The following CCAR1 variants were observed in gnomAD, a reference collection of about 807,000 sequenced individuals.
CCAR1 encodes the protein cell division cycle and apoptosis regulator protein 1.
A neutral mutation model predicts 163.8 loss-of-function variants in CCAR1; 78 were observed. The observed-to-expected ratio is 0.48, with a 90% CI of 0.40 to 0.57. The LOEUF (loss-of-function observed/expected upper bound fraction) is 0.57, where lower values mean the gene tolerates loss of function less well. Among genes scored for constraint, CCAR1 ranks in the 20% least tolerant of loss-of-function variants. CCAR1 has a pLI of 0.00. For missense variants in CCAR1, 1,019 were observed against 1,365.2 expected (o/e 0.75, Z 4.00); for synonymous variants, 443 against 460.7 (o/e 0.96, Z 0.49).
chr10:68,786,235 G>A lies in CCAR1; in HGVS notation c.2733+17G>A, dbSNP rs779793996. Reference sequence around the variant, plus strand: ...AAAGATAAGGTGTTTATTGAATACTGTATTCTTTATAATATGGTGATATCT... The same window carrying A: ...AAAGATAAGGTGTTTATTGAATACTATATTCTTTATAATATGGTGATATCT... On this transcript the variant is annotated intron_variant, in intron 20 of 24. Coordinates refer to ENST00000265872, the MANE Select transcript of CCAR1 (RefSeq NM_018237.4). The A allele has an allele frequency of 5.4e-6, 8 of 1,492,074 alleles. No individual in the cohort carries two copies. In the South Asian group the frequency reaches 5.8e-5, roughly 11 times the overall value. 92.4% of individuals were successfully genotyped at this position (1,492,074 alleles called of 1,614,324 possible). A position where few individuals can be genotyped will look rare whatever the true frequency, so the allele number is the denominator to read the frequency against.
In CCAR1 at chr10:68,765,933, G is replaced by A; in HGVS notation, c.2152G>A (p.Glu718Lys). 6.2e-7 allele frequency: 1 copy of A among 1,613,882 alleles called. No individual in the cohort carries two copies. Among genetic ancestry groups the A allele is most frequent in the Non-Finnish European group, 8.5e-7 (1 of 1,179,964 alleles). Residue 718 changes from glutamate (E) to lysine (K), a missense_variant, in exon 17 of 25, where the codon GAA (glutamate) becomes AAA (lysine). Glu to Lys is a moderately conservative substitution (Grantham distance 56, BLOSUM62 1). This residue lies in a region of CCAR1 where 644 missense variants were observed against 904.4 expected (regional missense o/e 0.71). Transcript: ENST00000265872. The part of the protein sequence containing the change: ...RQEEIERQRR[E>K]RRYILPDEPA... ...AGAGGAAATAGAACGCCAGCGTCGA[G>A]AAAGAAGATATATTTTGCCTGATGA...
intron 2 of CCAR1, among the ~76,000 whole-genome samples, chr10:68,726,012 C>G (rs1393724712): frequency 1.3e-5 from 2 of 150,860 alleles, no homozygotes; most frequent in Non-Finnish European, 2.9e-5. Flanking sequence ...ATTGGGGAGG[C>G]TGAGGCGTGA....
rs1463182855 is a variant in CCAR1 at position 68,737,835 on chromosome 10, A to T, written c.247-10A>T. 1 of 1,570,668 alleles carries T rather than the reference A, an allele frequency of 6.4e-7. No homozygotes were observed. Among genetic ancestry groups the T allele is most frequent in the Admixed American group, 1.9e-5 (1 of 51,378 alleles). On this transcript the variant is annotated splice_polypyrimidine_tract_variant and intron_variant, in intron 3 of 24. Transcript: ENST00000265872. Reference sequence around the variant, plus strand: ...ATTTTTCTTTGAAAAATTTTTTTTTAATCTTTCAGCAATATTCACAACCTC... The same window carrying T: ...ATTTTTCTTTGAAAAATTTTTTTTTTATCTTTCAGCAATATTCACAACCTC...
At chr10:68,774,452 A>G (rs919897875) in intron 19 of CCAR1, among the ~76,000 whole-genome samples, 2 of 152,012 alleles carry the variant, frequency 1.3e-5, no homozygotes, top group African/African-American at 4.8e-5. Flanking sequence ...AGCCTGGTCA[A>G]CATGGTGAAA....
intron 5 of CCAR1, among the ~76,000 whole-genome samples, chr10:68,741,444 A>G (rs1333747683): frequency 1.3e-5 from 2 of 152,042 alleles, no homozygotes; most frequent in Non-Finnish European, 2.9e-5. Context: ...CTCTTTTTCT[A>G]TTTTTACAAC....
chr10:68,747,123 A>G, intron 6 of CCAR1, 38 bp from the exon 7 acceptor site: 1 of 1,046,790 alleles, frequency 9.6e-7, no homozygotes, highest in Non-Finnish European at 1.4e-6. Flanking sequence ...TTTTAATTGT[A>G]TTTATATTTA....
At chr10:68,739,396 A>C (rs1056367108) in intron 4 of CCAR1, among the ~76,000 whole-genome samples, 2 of 151,908 alleles carry the variant, frequency 1.3e-5, no homozygotes, top group Non-Finnish European at 2.9e-5. Context: ...TGATCCACCC[A>C]CCTTGGCCTC....
chr10:68,749,088 G>A (rs566064057), intron 8 of CCAR1, 48 bp from the exon 9 acceptor site: 67 of 1,609,286 alleles, frequency 4.2e-5, no homozygotes, highest in Non-Finnish European at 5.4e-5. Flanking sequence ...TAATGCCTTC[G>A]AACTTTGTTT....
chr10:68,758,402 G>C (rs939584770), intron 15 of CCAR1, among the ~76,000 whole-genome samples: 1 of 151,574 alleles, frequency 6.6e-6, no homozygotes, highest in African/African-American at 2.4e-5. Flanking sequence ...ATCTAAACTG[G>C]GAAGAGGCCA....
chr10:68,754,036 A>G lies in CCAR1; in HGVS notation c.1303A>G (p.Ile435Val). Reference protein sequence around the residue: ...EVESLEKNMAILDPPDADHLY... With the variant: ...EVESLEKNMAVLDPPDADHLY... Reference sequence around the variant, plus strand: ...AGAGTCCTTAGAAAAAAATATGGCCATTCTTGATCCACCAGATGCTGACCA... The same window carrying G: ...AGAGTCCTTAGAAAAAAATATGGCCGTTCTTGATCCACCAGATGCTGACCA... The change falls in exon 11 of 25, where the codon ATT becomes GTT. Residue 435 changes from isoleucine to valine, a missense_variant. By Grantham distance (29) the Ile-to-Val change is conservative. Transcript: ENST00000265872. The G allele has an allele frequency of 5.0e-6, 8 of 1,613,978 alleles. No homozygotes were observed. Among genetic ancestry groups the G allele is most frequent in the Non-Finnish European group, 6.8e-6 (8 of 1,179,884 alleles).
At position 68,737,609 on chromosome 10, in the gene CCAR1, G is replaced by A. The variant is rs573422949; in HGVS notation, c.247-236G>A. Among the ~76,000 whole-genome samples the A allele has an allele frequency of 2.8e-4, 42 of 151,652 alleles. No individual in the cohort carries two copies. Among genetic ancestry groups the A allele is most frequent in the African/African-American group, 8.2e-4 (34 of 41,378 alleles). The stretch of plus-strand genomic sequence containing the variant: ...TAAAATTTACTTCTTTTTGGATCCC[G>A]GAGTATAAGTAATCACAACTTGATT... On this transcript the variant is annotated intron_variant, in intron 3 of 24. Coordinates refer to ENST00000265872, the MANE Select transcript of CCAR1 (RefSeq NM_018237.4).
intron 16 of CCAR1, 58 bp downstream of exon 16, chr10:68,761,250 C>T: frequency 1.1e-6 from 1 of 901,442 alleles, no homozygotes; most frequent in Non-Finnish European, 1.6e-6. Flanking sequence ...ATAGGGTGTT[C>T]TTGGAATACG....
At position 68,755,354 on chromosome 10, in the gene CCAR1, C is replaced by G. The variant is rs2133364254; in HGVS notation, c.1459-16C>G. 2 of 1,603,596 alleles carry G rather than the reference C, an allele frequency of 1.2e-6. No homozygotes were observed. Among genetic ancestry groups the G allele is most frequent in the Non-Finnish European group, 8.5e-7 (1 of 1,173,102 alleles). Reference sequence around the variant, plus strand: ...GGGTGCGTAATATATGTAAATGATTCTTTGTTTTGAATTAGTTTTTAGTGG... The same window carrying G: ...GGGTGCGTAATATATGTAAATGATTGTTTGTTTTGAATTAGTTTTTAGTGG... On this transcript the variant is annotated splice_polypyrimidine_tract_variant and intron_variant, in intron 12 of 24. Transcript: ENST00000265872.
At position 68,771,186 on chromosome 10, in the gene CCAR1, A is replaced by G. The variant is rs1225258621; in HGVS notation, c.2299-20A>G. On this transcript the variant is annotated intron_variant, in intron 17 of 24. Transcript: ENST00000265872. Reference sequence around the variant, plus strand: ...TTTCTGTTGAAATTTGGCTAGGTTCATGTTGATATCTTTTTATAGGTTTCA... The same window carrying G: ...TTTCTGTTGAAATTTGGCTAGGTTCGTGTTGATATCTTTTTATAGGTTTCA... The G allele has an allele frequency of 1.3e-6, 2 of 1,566,622 alleles. No homozygotes were observed. The highest frequency in any genetic ancestry group is 2.3e-5 in the East Asian group (1 of 44,416).
intron 10 of CCAR1, among the ~76,000 whole-genome samples, 190 bp from the exon 11 acceptor site, chr10:68,753,662 G>T (rs1410323627): frequency 6.6e-6 from 1 of 152,070 alleles, no homozygotes; most frequent in Non-Finnish European, 1.5e-5. Flanking sequence ...TTTATTCAAA[G>T]CTTTGCGTAT....
intron 2 of CCAR1, among the ~76,000 whole-genome samples, chr10:68,727,279 C>G (rs2055962518): frequency 6.6e-6 from 1 of 151,788 alleles, no homozygotes; most frequent in South Asian, 2.1e-4. Flanking sequence ...GTTTTGCCAT[C>G]TTGCCCAGGC....
intron 2 of CCAR1, among the ~76,000 whole-genome samples, chr10:68,734,498 T>A (rs951903375): frequency 1.3e-5 from 2 of 151,888 alleles, no homozygotes; most frequent in South Asian, 2.1e-4. Flanking sequence ...CTTTTTTTTT[T>A]CTTTTTTCTT....
At chr10:68,742,910 G>T (rs530560936) in intron 6 of CCAR1, among the ~76,000 whole-genome samples, 24 of 152,066 alleles carry the variant, frequency 1.6e-4, no homozygotes, top group Non-Finnish European at 1.5e-5. Context: ...GAGACACTGC[G>T]CCTGGCCAGT....
chr10:68,774,216 C>T (rs565119090), intron 19 of CCAR1, among the ~76,000 whole-genome samples: 2 of 152,084 alleles, frequency 1.3e-5, no homozygotes, highest in Admixed American at 6.6e-5. Flanking sequence ...TTCATAGGCA[C>T]GGGGTCTCAT....
Sources: allele counts gnomAD v4.1 joint callset (sites outside exome capture counted in the v4.1 genomes callset), GRCh38; gene constraint gnomAD v4.1.1; regional missense constraint gnomAD v4.1.1; transcripts MANE v1.5; gene names NCBI Gene and HGNC (gene_info 2026-07-23, HGNC 2026-07-21).